DYNLT2: variants seen among roughly 807,000 people sequenced by gnomAD.
DYNLT2 encodes dynein light chain Tctex-type 2.
Under a neutral mutation model 24.3 loss-of-function variants are expected in DYNLT2, and 24 were observed. The observed-to-expected ratio is 0.99, with a 90% CI of 0.71 to 1.39. The LOEUF (loss-of-function observed/expected upper bound fraction) is 1.39. Ranked by LOEUF, DYNLT2 falls within the 40% of genes most tolerant of loss-of-function variation. The pLI is 0.00. For missense variants in DYNLT2, 246 were observed against 234.5 expected, an observed-to-expected ratio of 1.05 and a Z score of -0.32; for synonymous variants, 85 against 85.4, an observed-to-expected ratio of 1.00 and a Z score of 0.03.
the DYNLT2 span, among the ~76,000 whole-genome samples, chr6:169,732,306 G>T: frequency 6.6e-6 from 1 of 152,102 alleles, no homozygotes; most frequent in Non-Finnish European, 1.5e-5. Flanking sequence ...GTAAGAAAAT[G>T]ATCAAAATAT....
chr6:169,741,871 T>G (rs1007370036), intron 3 of DYNLT2, among the ~76,000 whole-genome samples: 1 of 152,158 alleles, frequency 6.6e-6, no homozygotes, highest in Non-Finnish European at 1.5e-5. Context: ...CCCTATTTCT[T>G]AAGTCTGTAT....
At chr6:169,746,215 T>C (rs941944196) in intron 1 of DYNLT2, among the ~76,000 whole-genome samples, 1 of 152,182 alleles carries the variant, frequency 6.6e-6, no homozygotes, top group African/African-American at 2.4e-5. Context: ...AAAAAGCTTT[T>C]GGTTTTGTTG....
the DYNLT2 span, among the ~76,000 whole-genome samples, chr6:169,727,150 G>T: frequency 6.6e-6 from 1 of 152,212 alleles, no homozygotes; most frequent in Non-Finnish European, 1.5e-5. Flanking sequence ...TGTCTTGACT[G>T]TTTCAAGCTA....
intron 3 of DYNLT2, 38 bp downstream of exon 3, chr6:169,743,042 G>A (rs775783979): frequency 2.8e-6 from 4 of 1,429,950 alleles, no homozygotes; most frequent in Non-Finnish European, 3.7e-6. Flanking sequence ...ATGCCTTATA[G>A]TTCTAATTGC....
chr6:169,745,853 C>G (rs1390107958), intron 1 of DYNLT2, among the ~76,000 whole-genome samples: 1 of 152,266 alleles, frequency 6.6e-6, no homozygotes, highest in African/African-American at 2.4e-5. Context: ...ATTGATATAA[C>G]TTTTTCCTTA....
At chr6:169,736,035 A>C (rs1789554354), downstream of DYNLT2, among the ~76,000 whole-genome samples, 1 of 151,920 alleles carries the variant, frequency 6.6e-6, no homozygotes, top group Non-Finnish European at 1.5e-5. Context: ...TTACCATTAC[A>C]TAGTGCCCTT....
the DYNLT2 span, among the ~76,000 whole-genome samples, chr6:169,734,199 T>G: frequency 6.6e-6 from 1 of 152,198 alleles, no homozygotes; most frequent in African/African-American, 2.4e-5. Context: ...ATGATGTGGT[T>G]TTCTAAATAT....
At chr6:169,740,367 G>GT (rs1789651306) in intron 3 of DYNLT2, 72 bp from the exon 4 acceptor site, 22 of 907,524 alleles carry the variant, frequency 2.4e-5, no homozygotes, top group Middle Eastern at 4.3e-4. Flanking sequence ...ATCTACACTA[G>GT]TTTTTTAAAA....
chr6:169,727,086 T>G, the DYNLT2 span, among the ~76,000 whole-genome samples: 1 of 152,198 alleles, frequency 6.6e-6, no homozygotes, highest in Non-Finnish European at 1.5e-5. Context: ...ATGGAGAAGT[T>G]AGTAAGGTGG....
At chr6:169,739,566 CAATT>C (rs1192829058), downstream of DYNLT2, among the ~76,000 whole-genome samples, 1 of 152,048 alleles carries the variant, frequency 6.6e-6, no homozygotes, top group Non-Finnish European at 1.5e-5. Context: ...TTTCTTTAAA[CAATT>C]AATATGAATT....
chr6:169,748,915 TTTA>T (rs1433599393), intron 1 of DYNLT2, among the ~76,000 whole-genome samples: 3 of 152,224 alleles, frequency 2.0e-5, no homozygotes, highest in Non-Finnish European at 2.9e-5. Flanking sequence ...ATTAAGAATC[TTTA>T]TAATCTTTTT....
Position 169,740,114 on chromosome 6 carries a change from T to G in DYNLT2, c.*71A>C. 1.0e-6 allele frequency: 1 copy of G among 1,002,682 alleles called. No homozygotes were observed. Among genetic ancestry groups the G allele is most frequent in the Non-Finnish European group, 1.5e-6 (1 of 646,610 alleles). 62.1% of individuals were successfully genotyped at this position (1,002,682 alleles called of 1,614,324 possible). The stretch of plus-strand genomic sequence containing the variant: ...ATAGCAAATCAGAAATATTATGAGG[T>G]TTACAAATATGTAAATTTCATTTAT... On this transcript the variant is annotated 3_prime_UTR_variant, in exon 4 of 4. Coordinates refer to ENST00000366774, the MANE Select transcript of DYNLT2 (RefSeq NM_174910.3).
chr6:169,739,363 A>G (rs1473856349), downstream of DYNLT2, among the ~76,000 whole-genome samples: 1 of 151,988 alleles, frequency 6.6e-6, no homozygotes, highest in East Asian at 1.9e-4. Context: ...CACACTTTTC[A>G]CATGATCTCA....
the DYNLT2 span, among the ~76,000 whole-genome samples, chr6:169,729,327 C>A: frequency 6.6e-6 from 1 of 151,916 alleles, no homozygotes; most frequent in African/African-American, 2.4e-5. Flanking sequence ...CCTATCTTTG[C>A]TTTGCTTTTG....
At chr6:169,733,898 G>A in the DYNLT2 span, among the ~76,000 whole-genome samples, 2 of 152,088 alleles carry the variant, frequency 1.3e-5, no homozygotes, top group African/African-American at 2.4e-5. Context: ...TTTCACAATG[G>A]TGATTCTTCC....
intron 1 of DYNLT2, among the ~76,000 whole-genome samples, chr6:169,746,058 G>T (rs1306698711): frequency 1.3e-5 from 2 of 152,154 alleles, no homozygotes; most frequent in Non-Finnish European, 2.9e-5. Context: ...TCTGGGCACA[G>T]AATTGTTCAT....
At chr6:169,747,076 T>C (rs1789824891) in intron 1 of DYNLT2, among the ~76,000 whole-genome samples, 1 of 151,652 alleles carries the variant, frequency 6.6e-6, no homozygotes, top group Admixed American at 6.6e-5. Context: ...TTTTGAACGA[T>C]ATTTTAGCTG....
downstream of DYNLT2, among the ~76,000 whole-genome samples, chr6:169,736,283 T>G (rs908088564): frequency 6.6e-6 from 1 of 152,332 alleles, no homozygotes; most frequent in African/African-American, 2.4e-5. Flanking sequence ...TGCCTGTCTG[T>G]GTCTTTTAAT....
chr6:169,732,503 A>G, the DYNLT2 span, among the ~76,000 whole-genome samples: 360 of 152,052 alleles, frequency 2.4e-3, no homozygotes, highest in African/African-American at 7.8e-3. Flanking sequence ...TGTGTTCTCA[A>G]TGTTCAACTC....
Sources: allele counts gnomAD v4.1 joint callset (sites outside exome capture counted in the v4.1 genomes callset), GRCh38; gene constraint gnomAD v4.1.1; transcripts MANE v1.5; gene names NCBI Gene and HGNC (gene_info 2026-07-23, HGNC 2026-07-21).